Variants in ANKRD26 observed in about 807,000 individuals in gnomAD.
The protein encoded by ANKRD26 is ankyrin repeat domain 26, also known as ankyrin repeat domain-containing protein 26.
ANKRD26 carries 141 observed loss-of-function variants against 208.7 expected under a neutral mutation model. The observed-to-expected ratio is 0.68, with a 90% CI of 0.59 to 0.78. ANKRD26 has a LOEUF of 0.78. Ranked by LOEUF, ANKRD26 falls within the 30% of genes least tolerant of loss-of-function variation. The probability of loss-of-function intolerance (pLI) is 0.00; values close to 1 mark genes in which losing one functional copy is unlikely to be tolerated. For missense variants in ANKRD26, 1,889 were observed against 1,938.7 expected (o/e 0.97, Z 0.48); for synonymous variants, 636 against 660.4 (o/e 0.96, Z 0.57).
At chr10:26,989,486 G>C (rs1392355000), downstream of ANKRD26, among the ~76,000 whole-genome samples, 4 of 152,198 alleles carry the variant, frequency 2.6e-5, no homozygotes, top group Non-Finnish European at 4.4e-5. Context: ...CAGCCCAAAA[G>C]ATTGACAGGG....
At chr10:27,046,659 GAATAAA>G in intron 17 of ANKRD26, 136 bp from the exon 18 acceptor site, 2 of 846,762 alleles carry the variant, frequency 2.4e-6, no homozygotes, top group South Asian at 3.7e-5. Flanking sequence ...TTCTAACAAA[GAATAAA>G]AATAATTTTT....
At chr10:27,098,552 C>CTT (rs34288994) in intron 1 of ANKRD26, among the ~76,000 whole-genome samples, 31,275 of 144,246 alleles carry the variant, frequency 0.22, 4,102 homozygotes, top group East Asian at 0.51. Context: ...AATTTTACCA[C>CTT]TTTTTTTTTT....
intron 5 of ANKRD26, among the ~76,000 whole-genome samples, chr10:27,084,618 A>G (rs1336047237): frequency 6.6e-6 from 1 of 152,172 alleles, no homozygotes; most frequent in Non-Finnish European, 1.5e-5. Context: ...CTGTAATCCC[A>G]ATACTTTGGG....
chr10:26,967,671 G>A, the ANKRD26 span, among the ~76,000 whole-genome samples: 7 of 152,180 alleles, frequency 4.6e-5, no homozygotes, highest in South Asian at 2.1e-4. Context: ...CAGACTCAAC[G>A]GATTCAAAAC....
chr10:27,078,334 A>G (rs2055774691), intron 7 of ANKRD26, among the ~76,000 whole-genome samples: 1 of 152,184 alleles, frequency 6.6e-6, no homozygotes, highest in Non-Finnish European at 1.5e-5. Context: ...GCACCTAAAT[A>G]TGCTGCAAAT....
chr10:26,953,198 G>A, the ANKRD26 span, among the ~76,000 whole-genome samples: 1 of 152,144 alleles, frequency 6.6e-6, no homozygotes, highest in Non-Finnish European at 1.5e-5. Flanking sequence ...GCTGAGGTGG[G>A]AGGTTCATTT....
rs2054001885 is a variant in ANKRD26, at chr10:27,035,162, C to T, written c.3288G>A (p.Arg1096=). The change falls in exon 24 of 34, where the codon CGG becomes CGA. Residue 1096 remains arginine, a synonymous_variant. Transcript: ENST00000376087. ...GTGTTTGGCTTAGGTCCTTTTGTACCCGTTCTAAACCCAAAGTCTTTTCTC... is the reference window on the plus strand; with the variant it reads ...GTGTTTGGCTTAGGTCCTTTTGTACTCGTTCTAAACCCAAAGTCTTTTCTC... ...ALREKTLGLE[R]VQKDLSQTQC... 1 of 1,613,726 alleles carries T rather than the reference C, an allele frequency of 6.2e-7. No homozygotes were observed. The highest frequency in any genetic ancestry group is 8.5e-7 in the Non-Finnish European group (1 of 1,179,906).
downstream of ANKRD26, among the ~76,000 whole-genome samples, chr10:26,991,439 AT>A (rs111848601): frequency 3.0e-3 from 440 of 146,022 alleles, 1 homozygote; most frequent in Non-Finnish European, 4.8e-3. Flanking sequence ...AAGGAAGGTA[AT>A]TTTTTTTTTT....
At chr10:27,040,827 C>T (rs970254303) in intron 20 of ANKRD26, among the ~76,000 whole-genome samples, 3 of 151,818 alleles carry the variant, frequency 2.0e-5, no homozygotes, top group East Asian at 1.9e-4. Context: ...GTTAGGAGTT[C>T]GAGACCAGTC....
chr10:26,965,302 G>A, the ANKRD26 span, among the ~76,000 whole-genome samples: 1 of 152,062 alleles, frequency 6.6e-6, no homozygotes, highest in African/African-American at 2.4e-5. Context: ...CAATGGAACA[G>A]AACAGAGCCC....
chr10:27,027,338 T>G (rs1339058190), intron 27 of ANKRD26, among the ~76,000 whole-genome samples: 1 of 152,202 alleles, frequency 6.6e-6, no homozygotes, highest in Non-Finnish European at 1.5e-5. Context: ...CATTCTGAAA[T>G]TCTCACTGAA....
Position 27,093,523 on chromosome 10 carries a change from C to CT in ANKRD26, c.358-2dup. 1 of 1,614,098 alleles carries CT rather than the reference C, an allele frequency of 6.2e-7. No individual in the cohort carries two copies. The highest frequency in any genetic ancestry group is 8.5e-7 in the Non-Finnish European group (1 of 1,180,008). ...ATTTCTCTTCCTGGCATTGTACAGC[C>CT]TGGGAGTATTAGACCAAGAAACAGA... On this transcript the variant is annotated splice_acceptor_variant, in intron 2 of 33. Transcript: ENST00000376087. LOFTEE classifies it high-confidence loss of function.
intron 9 of ANKRD26, among the ~76,000 whole-genome samples, chr10:27,070,708 C>G (rs2055452470): frequency 6.6e-6 from 1 of 151,736 alleles, no homozygotes; most frequent in African/African-American, 2.4e-5. Flanking sequence ...CCCTGTCGCC[C>G]AGAATGGAGT....
At chr10:26,971,262 C>T (rs34364574), downstream of ANKRD26, among the ~76,000 whole-genome samples, 14,629 of 152,144 alleles carry the variant, frequency 0.096, 1,413 homozygotes, top group East Asian at 0.51. Flanking sequence ...GTGCACCTCT[C>T]GTCTCAGCTA....
At chr10:27,049,779 C>A (rs1332643314) in intron 16 of ANKRD26, among the ~76,000 whole-genome samples, 1 of 152,132 alleles carries the variant, frequency 6.6e-6, no homozygotes, top group Non-Finnish European at 1.5e-5. Flanking sequence ...CACTTTATGG[C>A]ACCAAAAGAG....
intron 9 of ANKRD26, among the ~76,000 whole-genome samples, chr10:27,074,680 G>A (rs1443921706): frequency 6.6e-6 from 1 of 151,476 alleles, no homozygotes; most frequent in Non-Finnish European, 1.5e-5. Context: ...TCTCGAGGGG[G>A]GAAAAGAAAA....
chr10:27,067,421 GTTTTT>G, intron 9 of ANKRD26, 135 bp from the exon 10 acceptor site: 1 of 799,398 alleles, frequency 1.3e-6, no homozygotes, highest in Non-Finnish European at 1.8e-6. Flanking sequence ...TGGGGGCATA[GTTTTT>G]TTTTTTTAAA....
At chr10:27,086,150 A>G (rs2056107689) in intron 5 of ANKRD26, among the ~76,000 whole-genome samples, 1 of 152,160 alleles carries the variant, frequency 6.6e-6, no homozygotes, top group Admixed American at 6.6e-5. Flanking sequence ...ATATTCATTT[A>G]ATAAACACAA....
intron 15 of ANKRD26, among the ~76,000 whole-genome samples, chr10:27,059,926 A>C (rs2054989093): frequency 6.6e-6 from 1 of 151,646 alleles, no homozygotes; most frequent in South Asian, 2.1e-4. Flanking sequence ...AAAGCCGGGC[A>C]TGGTGGCTCA....
Sources: allele counts gnomAD v4.1 joint callset (sites outside exome capture counted in the v4.1 genomes callset), GRCh38; gene constraint gnomAD v4.1.1; transcripts MANE v1.5; gene names NCBI Gene and HGNC (gene_info 2026-07-23, HGNC 2026-07-21).